The following FAM13A variants were observed in gnomAD, a reference collection of about 807,000 sequenced individuals.
FAM13A encodes the protein protein FAM13A.
FAM13A carries 76 observed loss-of-function variants against 129.6 expected under a neutral mutation model. The observed-to-expected ratio is 0.59, with a 90% CI of 0.49 to 0.71. The LOEUF is 0.71. Among genes scored for constraint, FAM13A ranks in the 30% least tolerant of loss-of-function variants. The probability of loss-of-function intolerance (pLI) is 0.00; values close to 1 mark genes in which losing one functional copy is unlikely to be tolerated. For synonymous variants in FAM13A, 443 were observed against 449.9 expected, an observed-to-expected ratio of 0.98 and a Z score of 0.20; for missense variants, 1,108 against 1,249.3, an observed-to-expected ratio of 0.89 and a Z score of 1.70.
intron 5 of FAM13A, among the ~76,000 whole-genome samples, chr4:88,923,338 A>ACCATGGTGG: frequency 6.6e-6 from 1 of 152,350 alleles, no homozygotes; most frequent in Admixed American, 6.5e-5. Flanking sequence ...GCAGCACATC[A>ACCATGGTGG]AAAAGCTTAT....
rs548288825 is a variant in FAM13A at position 89,021,890 on chromosome 4, A to G, written c.218-1221T>C. 7.9e-5 allele frequency among the ~76,000 whole-genome samples: 12 copies of G among 152,312 alleles called. No individual in the cohort carries two copies. In the South Asian group the frequency reaches 2.1e-3, roughly 26 times the overall value. ...AATACAGGAAAAAAAAAACACTGTA[A>G]AAGATAAGATTAGGGGGTAGGGATA... On this transcript the variant is annotated intron_variant, in intron 2 of 23. Transcript: ENST00000264344.
chr4:88,877,842 T>C (rs368909686), intron 6 of FAM13A, among the ~76,000 whole-genome samples: 14 of 152,336 alleles, frequency 9.2e-5, no homozygotes, highest in East Asian at 1.9e-4. Flanking sequence ...CCACCTCTTA[T>C]ATTGTACATA....
At chr4:88,759,027 A>T (rs976282412) in intron 13 of FAM13A, 126 bp from the exon 14 acceptor site, 1 of 986,338 alleles carries the variant, frequency 1.0e-6, no homozygotes, top group Non-Finnish European at 1.5e-6. Context: ...CAGCACAGAA[A>T]TAAAAATCAT....
intron 4 of FAM13A, among the ~76,000 whole-genome samples, chr4:88,982,488 T>C (rs1246059195): frequency 6.6e-6 from 1 of 152,210 alleles, no homozygotes; most frequent in Non-Finnish European, 1.5e-5. Flanking sequence ...ACTCTGTGGG[T>C]CCTGTTTTAC....
At chr4:88,827,135 A>C (rs1273465657) in intron 7 of FAM13A, among the ~76,000 whole-genome samples, 1 of 152,184 alleles carries the variant, frequency 6.6e-6, no homozygotes, top group Non-Finnish European at 1.5e-5. Flanking sequence ...TGACCACTAA[A>C]TCCAAATGCC....
chr4:89,042,116 C>T (rs1048333660), intron 1 of FAM13A, among the ~76,000 whole-genome samples: 6 of 116,940 alleles, frequency 5.1e-5, no homozygotes, highest in African/African-American at 1.4e-4. Flanking sequence ...TGTAAATAGA[C>T]GTTGCTGGGA....
chr4:88,955,093 AT>A (rs1757535288), intron 4 of FAM13A, among the ~76,000 whole-genome samples: 1 of 151,950 alleles, frequency 6.6e-6, no homozygotes. Context: ...TCTCACAAAT[AT>A]TTTCTTAAGA....
At chr4:88,839,379 G>A (rs1439497824) in intron 7 of FAM13A, among the ~76,000 whole-genome samples, 1 of 152,112 alleles carries the variant, frequency 6.6e-6, no homozygotes, top group African/African-American at 2.4e-5. Context: ...CATTCAACAA[G>A]TACTCTTTAA....
chr4:88,863,324 TGGTGAATACATGGA>T (rs77881896), intron 6 of FAM13A, among the ~76,000 whole-genome samples: 41,967 of 152,008 alleles, frequency 0.28, 6,199 homozygotes, highest in East Asian at 0.39. Context: ...GCTTCCAGGT[TGGTGAATACATGGA>T]GGTGCTGCGA....
intron 3 of FAM13A, among the ~76,000 whole-genome samples, chr4:89,003,850 C>A (rs1764619338): frequency 6.6e-6 from 1 of 152,106 alleles, no homozygotes; most frequent in Non-Finnish European, 1.5e-5. Context: ...GATGAGATAT[C>A]TGAAAGTGAG....
chr4:88,820,841 G>A (rs1348531569), intron 7 of FAM13A, among the ~76,000 whole-genome samples: 3 of 152,202 alleles, frequency 2.0e-5, no homozygotes, highest in African/African-American at 7.2e-5. Flanking sequence ...AGTATGAGAA[G>A]CATTGAACTC....
At chr4:88,907,025 C>T (rs533342616) in intron 5 of FAM13A, among the ~76,000 whole-genome samples, 1 of 152,204 alleles carries the variant, frequency 6.6e-6, no homozygotes, top group Non-Finnish European at 1.5e-5. Flanking sequence ...ACCAAAAGAA[C>T]ATTTGCCAAA....
At chr4:89,033,894 T>C (rs1342034371) in intron 1 of FAM13A, among the ~76,000 whole-genome samples, 1 of 152,198 alleles carries the variant, frequency 6.6e-6, no homozygotes, top group Non-Finnish European at 1.5e-5. Context: ...ATAATGAAAC[T>C]GGACCCCTAC....
intron 1 of FAM13A, among the ~76,000 whole-genome samples, chr4:89,038,692 G>A (rs557875992): frequency 3.3e-5 from 5 of 152,186 alleles, no homozygotes; most frequent in Admixed American, 2.6e-4. Flanking sequence ...TGTAATAAGT[G>A]ACAGAAAGGG....
At chr4:88,830,431 G>C (rs1483331193) in intron 7 of FAM13A, among the ~76,000 whole-genome samples, 3 of 152,090 alleles carry the variant, frequency 2.0e-5, no homozygotes, top group African/African-American at 4.8e-5. Flanking sequence ...CTATTTTCTT[G>C]AGTAACAGTG....
chr4:89,028,165 C>G (rs1355454034), intron 2 of FAM13A, among the ~76,000 whole-genome samples: 5 of 145,608 alleles, frequency 3.4e-5, no homozygotes, highest in Non-Finnish European at 7.5e-5. Flanking sequence ...AAGATTACGC[C>G]ATTGCACTAC....
intron 1 of FAM13A, among the ~76,000 whole-genome samples, chr4:89,038,267 A>G (rs1184446291): frequency 6.6e-6 from 1 of 152,234 alleles, no homozygotes; most frequent in Admixed American, 6.5e-5. Context: ...CCATATATTT[A>G]AAGTACTTTG....
chr4:88,815,413 A>G (rs983217638), intron 7 of FAM13A, among the ~76,000 whole-genome samples: 1 of 152,174 alleles, frequency 6.6e-6, no homozygotes. Context: ...TAATTTGCAC[A>G]AGGGTTATAA....
chr4:88,988,167 TCAATGTGG>T (rs1762506245), intron 4 of FAM13A, among the ~76,000 whole-genome samples: 2 of 151,722 alleles, frequency 1.3e-5, no homozygotes, highest in Non-Finnish European at 2.9e-5. Flanking sequence ...TTTTCAAAAG[TCAATGTGG>T]TTGAAAAAAA....
Sources: gnomAD v4.1 joint callset for allele counts (sites outside exome capture counted in the v4.1 genomes callset) on GRCh38, gnomAD v4.1.1 for gene constraint, MANE v1.5 for transcripts, NCBI Gene and HGNC (gene_info 2026-07-23, HGNC 2026-07-21) for gene names.